CCSER1: variants seen among roughly 807,000 people sequenced by gnomAD.
CCSER1 encodes the protein coiled-coil serine rich protein 1, also known as serine-rich coiled-coil domain-containing protein 1.
In CCSER1, 41 loss-of-function variants were observed where a neutral mutation model predicts 82.0. The ratio of observed to expected loss-of-function variants is 0.50; its 90% confidence interval spans 0.39 to 0.65. CCSER1 has a LOEUF of 0.65. Ranked by LOEUF, CCSER1 falls within the 30% of genes least tolerant of loss-of-function variation. The probability of loss-of-function intolerance (pLI) is 0.00; values close to 1 mark genes in which losing one functional copy is unlikely to be tolerated. For missense variants in CCSER1, 1,119 were observed against 1,064.2 expected (o/e 1.05, Z -0.72); for synonymous variants, 414 against 383.9 (o/e 1.08, Z -0.92).
intron 10 of CCSER1, among the ~76,000 whole-genome samples, chr4:91,457,246 ATAGTT>A (rs990733113): frequency 6.6e-6 from 1 of 152,182 alleles, no homozygotes; most frequent in African/African-American, 2.4e-5. Context: ...AATCAGTACT[ATAGTT>A]TATTTTGCCT....
intron 4 of CCSER1, among the ~76,000 whole-genome samples, chr4:90,443,425 G>T (rs1041178715): frequency 6.6e-6 from 1 of 152,138 alleles, no homozygotes; most frequent in African/African-American, 2.4e-5. Context: ...AGACAAGGTA[G>T]ATACACTGAA....
At chr4:90,458,365 T>A (rs1353978152) in intron 4 of CCSER1, among the ~76,000 whole-genome samples, 1 of 152,078 alleles carries the variant, frequency 6.6e-6, no homozygotes, top group Non-Finnish European at 1.5e-5. Context: ...ATAAGTTTTT[T>A]TTTTTTGAGA....
Position 91,077,443 on chromosome 4 carries a change from G to C in CCSER1, c.2173-8507G>C, listed in dbSNP as rs1200746749. On this transcript the variant is annotated intron_variant, in intron 9 of 10. Coordinates refer to ENST00000509176, the MANE Select transcript of CCSER1 (RefSeq NM_001145065.2). Reference sequence around the variant, plus strand: ...GACATGAGAAAAAATAGTAAAATGTGACTCAGATCAGGAGAAAATTCAGTC... The same window carrying C: ...GACATGAGAAAAAATAGTAAAATGTCACTCAGATCAGGAGAAAATTCAGTC... Among the ~76,000 whole-genome samples the C allele has an allele frequency of 2.0e-5, 3 of 152,202 alleles. No individual in the cohort carries two copies. The South Asian group carries it at 6.2e-4, about 32-fold the overall frequency.
chr4:90,746,593 T>C (rs1026402102), intron 7 of CCSER1, among the ~76,000 whole-genome samples: 1 of 152,168 alleles, frequency 6.6e-6, no homozygotes, highest in Non-Finnish European at 1.5e-5. Flanking sequence ...TCAGATTGTC[T>C]TTTTCTTTGT....
chr4:90,178,429 CT>C (rs1177248466), intron 1 of CCSER1, among the ~76,000 whole-genome samples: 1 of 151,878 alleles, frequency 6.6e-6, no homozygotes, highest in Non-Finnish European at 1.5e-5. Flanking sequence ...TAACCACATA[CT>C]TTTATATTGG....
At chr4:91,133,740 G>A (rs370302161) in intron 10 of CCSER1, among the ~76,000 whole-genome samples, 1 of 152,110 alleles carries the variant, frequency 6.6e-6, no homozygotes, top group African/African-American at 2.4e-5. Flanking sequence ...CAGGGCTCTT[G>A]GAATAATTTC....
chr4:91,402,392 A>C (rs1283963536), intron 10 of CCSER1, among the ~76,000 whole-genome samples: 1 of 152,048 alleles, frequency 6.6e-6, no homozygotes, highest in Non-Finnish European at 1.5e-5. Context: ...GAAGCTCTTT[A>C]GTTTAATTAG....
chr4:90,490,835 T>A (rs1362796640), intron 5 of CCSER1, among the ~76,000 whole-genome samples: 1 of 152,142 alleles, frequency 6.6e-6, no homozygotes, highest in African/African-American at 2.4e-5. Context: ...TGGTTGCAGA[T>A]GTGTGGTATT....
chr4:90,923,347 G>T, intron 8 of CCSER1, 23 bp from the exon 9 acceptor site: 1 of 1,528,060 alleles, frequency 6.5e-7, no homozygotes, highest in Non-Finnish European at 8.9e-7. Flanking sequence ...ACAATGTGTT[G>T]TTGCTGTTTT....
chr4:90,977,288 C>T (rs1356560215), intron 9 of CCSER1, among the ~76,000 whole-genome samples: 1 of 151,376 alleles, frequency 6.6e-6, no homozygotes, highest in Non-Finnish European at 1.5e-5. Context: ...TCTTAAGAAA[C>T]AAAACTAAAT....
chr4:90,740,142 G>T (rs1243443125), intron 7 of CCSER1, among the ~76,000 whole-genome samples: 1 of 151,988 alleles, frequency 6.6e-6, no homozygotes, highest in South Asian at 2.1e-4. Context: ...TAACTTCAAA[G>T]AATTATGTTT....
chr4:90,706,148 C>T (rs1739300705), intron 6 of CCSER1, among the ~76,000 whole-genome samples: 1 of 152,174 alleles, frequency 6.6e-6, no homozygotes, highest in Non-Finnish European at 1.5e-5. Context: ...AACTTCCCAG[C>T]CTCCACAACT....
intron 3 of CCSER1, among the ~76,000 whole-genome samples, chr4:90,341,416 A>T (rs111679754): frequency 0.017 from 2,534 of 152,208 alleles, 45 homozygotes; most frequent in African/African-American, 0.043. Flanking sequence ...CAGCAAATGA[A>T]TTTTTACTCT....
chr4:91,476,997 G>C (rs1296974002), intron 10 of CCSER1, among the ~76,000 whole-genome samples: 1 of 151,618 alleles, frequency 6.6e-6, no homozygotes, highest in Admixed American at 6.6e-5. Flanking sequence ...CCAGGACAGT[G>C]GTCTAGGCAA....
At chr4:90,205,681 C>T (rs918338494) in intron 1 of CCSER1, among the ~76,000 whole-genome samples, 3 of 151,984 alleles carry the variant, frequency 2.0e-5, no homozygotes, top group Admixed American at 6.6e-5. Flanking sequence ...ATCTCTGCCT[C>T]GTTTTGGTAT....
At chr4:90,420,420 A>G (rs192316729) in intron 4 of CCSER1, among the ~76,000 whole-genome samples, 1 of 152,146 alleles carries the variant, frequency 6.6e-6, no homozygotes, top group Admixed American at 6.5e-5. Flanking sequence ...TGTTTTGTTC[A>G]GGGTCACATA....
chr4:90,953,958 A>T (rs963981660), intron 9 of CCSER1, among the ~76,000 whole-genome samples: 4 of 151,980 alleles, frequency 2.6e-5, no homozygotes, highest in African/African-American at 7.2e-5. Context: ...GAGGTTCATA[A>T]ATTTTTCTTT....
At chr4:90,733,635 C>G (rs1479941367) in intron 7 of CCSER1, among the ~76,000 whole-genome samples, 2 of 152,042 alleles carry the variant, frequency 1.3e-5, no homozygotes, top group East Asian at 3.9e-4. Flanking sequence ...CTAGTGTTTT[C>G]TTTTAGTAAT....
At chr4:91,492,289 C>G (rs1441649456) in intron 10 of CCSER1, among the ~76,000 whole-genome samples, 8 of 152,144 alleles carry the variant, frequency 5.3e-5, no homozygotes, top group African/African-American at 1.9e-4. Context: ...AGCATAATCT[C>G]CAATTTACTA....
Sources: gnomAD v4.1 joint callset for allele counts (sites outside exome capture counted in the v4.1 genomes callset) on GRCh38, gnomAD v4.1.1 for gene constraint, MANE v1.5 for transcripts, NCBI Gene and HGNC (gene_info 2026-07-23, HGNC 2026-07-21) for gene names.